The following RNF144A variants were observed in gnomAD, a reference collection of about 807,000 sequenced individuals.
RNF144A encodes the protein E3 ubiquitin-protein ligase RNF144A.
RNF144A carries 11 observed loss-of-function variants against 38.7 expected under a neutral mutation model. The observed-to-expected ratio is 0.28, with a 90% confidence interval of 0.18 to 0.47. The LOEUF (loss-of-function observed/expected upper bound fraction) is 0.47. Ranked by LOEUF, RNF144A falls within the 20% of genes least tolerant of loss-of-function variation. RNF144A has a pLI of 0.99. For missense variants in RNF144A, 316 were observed against 377.2 expected (o/e 0.84, Z 1.34); for synonymous variants, 149 against 143.9 (o/e 1.04, Z -0.25).
chr2:6,928,769 G>C (rs1665035657), intron 1 of RNF144A, among the ~76,000 whole-genome samples: 1 of 152,164 alleles, frequency 6.6e-6, no homozygotes, highest in Non-Finnish European at 1.5e-5. Context: ...CCTATCACCT[G>C]ACACCCTCTG....
intron 5 of RNF144A, among the ~76,000 whole-genome samples, chr2:7,018,885 AT>A (rs1671323918): frequency 6.6e-6 from 1 of 151,638 alleles, no homozygotes; most frequent in Admixed American, 6.6e-5. Context: ...TGATTAATTC[AT>A]GCTTAAAAAA....
At chr2:7,045,334 A>G (rs138153808), downstream of RNF144A, among the ~76,000 whole-genome samples, 53 of 152,322 alleles carry the variant, frequency 3.5e-4, no homozygotes, top group African/African-American at 1.1e-3. Context: ...GGCTACAACA[A>G]CAGAGCTTTA....
intron 1 of RNF144A, among the ~76,000 whole-genome samples, chr2:6,925,773 A>G (rs1238984319): frequency 6.6e-6 from 1 of 152,172 alleles, no homozygotes; most frequent in Non-Finnish European, 1.5e-5. Flanking sequence ...TCTTGATTGC[A>G]TCTGCAAACA....
chr2:7,026,457 T>C (rs1388734800), intron 7 of RNF144A, among the ~76,000 whole-genome samples: 1 of 152,072 alleles, frequency 6.6e-6, no homozygotes, highest in Non-Finnish European at 1.5e-5. Flanking sequence ...TTTTAGGGCC[T>C]TCAAGGTCTT....
chr2:7,037,084 T>G (rs1339154604), intron 8 of RNF144A, among the ~76,000 whole-genome samples: 1 of 152,200 alleles, frequency 6.6e-6, no homozygotes, highest in Non-Finnish European at 1.5e-5. Flanking sequence ...TGTTTACCCA[T>G]CCCTCTGCCT....
At chr2:6,999,500 T>TA (rs1322279965) in intron 3 of RNF144A, among the ~76,000 whole-genome samples, 38 of 152,076 alleles carry the variant, frequency 2.5e-4, no homozygotes, top group Non-Finnish European at 4.9e-4. Flanking sequence ...GAGGCACTCT[T>TA]AAAAAAACAG....
Position 7,042,000 on chromosome 2 carries a change from G to A in RNF144A, c.*2240G>A. 1.0e-6 allele frequency: 1 copy of A among 985,370 alleles called. No individual in the cohort carries two copies. The highest frequency in any genetic ancestry group is 1.1e-4 in the East Asian group (1 of 8,804). The allele number at this position is 985,370 out of a possible 1,614,324, so 61.0% of individuals were successfully genotyped here. Reference sequence around the variant, plus strand: ...TTTCACAAGCACGTAGTTCAACCCAGATAGGGACCACAGAGATTCTGGGGC... The same window carrying A: ...TTTCACAAGCACGTAGTTCAACCCAAATAGGGACCACAGAGATTCTGGGGC... On this transcript the variant is annotated 3_prime_UTR_variant, in exon 9 of 9. Transcript: ENST00000320892.
chr2:6,943,581 A>T lies in RNF144A; in HGVS notation c.-12+2434A>T, dbSNP rs1460415427. ...TGATTCTGTAGAGAGTGAAATATTG[A>T]TTGTGTGGGATGGAGGGCTGCTGAA... On this transcript the variant is annotated intron_variant, in intron 2 of 8. Transcript: ENST00000320892. This position sits in a 1 kb window ranked among gnomAD's most constrained non-coding sequence, Gnocchi z 4.3. Among the ~76,000 whole-genome samples the T allele has an allele frequency of 6.6e-6, 1 of 152,084 alleles. No individual in the cohort carries two copies.
In RNF144A at chr2:7,000,127, A is replaced by G. The variant is rs562793853; in HGVS notation, c.135+3066A>G. Among the ~76,000 whole-genome samples the G allele has an allele frequency of 3.9e-5, 6 of 152,284 alleles. No individual in the cohort carries two copies. In the South Asian group the frequency reaches 1.0e-3, roughly 26 times the overall value. On this transcript the variant is annotated intron_variant, in intron 3 of 8. Coordinates refer to ENST00000320892, the MANE Select transcript of RNF144A (RefSeq NM_014746.6). ...CAGGGTGCCTGGTGGATTCTTCGTG[A>G]TTCTCTGGAGGTCACAAGAGCCTGT...
intron 2 of RNF144A, among the ~76,000 whole-genome samples, chr2:6,961,075 T>C (rs529636785): frequency 1.2e-4 from 18 of 152,190 alleles, no homozygotes; most frequent in African/African-American, 4.3e-4. Context: ...TGTACTTACA[T>C]GGTTTTTTTT....
intron 6 of RNF144A, among the ~76,000 whole-genome samples, chr2:7,059,795 C>T (rs1041406568): frequency 6.6e-6 from 1 of 152,182 alleles, no homozygotes; most frequent in Non-Finnish European, 1.5e-5. Flanking sequence ...TACACCAACT[C>T]AGAGGAGAAA....
At chr2:6,953,410 CAA>C (rs959083729) in intron 2 of RNF144A, among the ~76,000 whole-genome samples, 37 of 152,298 alleles carry the variant, frequency 2.4e-4, no homozygotes, top group Middle Eastern at 6.8e-3. Flanking sequence ...GTCTGGGAAA[CAA>C]GAGCAAAACT....
chr2:6,964,492 A>G (rs532979340), intron 2 of RNF144A, among the ~76,000 whole-genome samples: 1 of 152,374 alleles, frequency 6.6e-6, no homozygotes, highest in South Asian at 2.1e-4. Flanking sequence ...AGGGCTATAA[A>G]TCATGCTGCT....
At chr2:7,058,800 T>C (rs1020471610) in intron 6 of RNF144A, among the ~76,000 whole-genome samples, 2 of 152,224 alleles carry the variant, frequency 1.3e-5, no homozygotes, top group African/African-American at 4.8e-5. Flanking sequence ...TCTTCTCCTA[T>C]TTTTGTCCTT....
At chr2:7,035,111 G>T (rs1212445371) in intron 8 of RNF144A, among the ~76,000 whole-genome samples, 13 of 152,226 alleles carry the variant, frequency 8.5e-5, no homozygotes, top group Admixed American at 7.9e-4. Flanking sequence ...CCTCAGAGGA[G>T]CCCGCTCAGG....
intron 2 of RNF144A, among the ~76,000 whole-genome samples, chr2:6,980,063 A>G (rs1454214461): frequency 3.9e-5 from 6 of 152,182 alleles, no homozygotes; most frequent in Non-Finnish European, 8.8e-5. Flanking sequence ...TCTCAATATC[A>G]TGAGAACAGC....
chr2:6,965,905 G>A (rs1667638618), intron 2 of RNF144A, among the ~76,000 whole-genome samples: 1 of 151,990 alleles, frequency 6.6e-6, no homozygotes, highest in African/African-American at 2.4e-5. Flanking sequence ...GTTTGAAGAA[G>A]TTAAATGTTT....
chr2:6,955,653 A>G (rs1041664283), intron 2 of RNF144A, among the ~76,000 whole-genome samples: 2 of 151,842 alleles, frequency 1.3e-5, no homozygotes, highest in African/African-American at 2.4e-5. Context: ...ATGACCCCCA[A>G]TTTTCCAGCC....
At chr2:6,933,960 T>TTTTTG (rs1238135308) in intron 1 of RNF144A, among the ~76,000 whole-genome samples, 1 of 152,184 alleles carries the variant, frequency 6.6e-6, no homozygotes, top group Admixed American at 6.5e-5. Flanking sequence ...TTTGTTTTTG[T>TTTTTG]TTTTGTTTTG....
Sources: gnomAD v4.1 joint callset for allele counts (sites outside exome capture counted in the v4.1 genomes callset) on GRCh38, gnomAD v4.1.1 for gene constraint, Gnocchi (gnomAD v3.1) non-coding constraint, MANE v1.5 for transcripts, NCBI Gene and HGNC (gene_info 2026-07-23, HGNC 2026-07-21) for gene names.